MYRIP: variants seen among roughly 807,000 people sequenced by gnomAD.
MYRIP encodes the protein myosin VIIA and Rab interacting protein.
In MYRIP, 49 loss-of-function variants were observed where a neutral mutation model predicts 98.0. The observed-to-expected ratio is 0.50, with a 90% CI of 0.40 to 0.63. The LOEUF is 0.63. MYRIP is among the 30% of genes least tolerant of loss of function. The pLI is 0.00. For synonymous variants in MYRIP, 404 were observed against 409.5 expected (o/e 0.99, Z 0.16); for missense variants, 1,004 against 1,058.2 (o/e 0.95, Z 0.71).
intron 2 of MYRIP, among the ~76,000 whole-genome samples, chr3:39,937,346 A>G (rs1944677093): frequency 6.6e-6 from 1 of 152,202 alleles, no homozygotes; most frequent in Admixed American, 6.5e-5. Context: ...TTTGGCTTTT[A>G]ACTTTCACCA....
intron 2 of MYRIP, among the ~76,000 whole-genome samples, chr3:39,935,092 C>T (rs1944628137): frequency 6.6e-6 from 1 of 152,324 alleles, no homozygotes. Flanking sequence ...TCAGCTTTCT[C>T]GCTGGAAACC....
intron 2 of MYRIP, among the ~76,000 whole-genome samples, chr3:39,967,086 G>A (rs1945461532): frequency 6.6e-6 from 1 of 152,168 alleles, no homozygotes; most frequent in African/African-American, 2.4e-5. Context: ...GGGGCAGACA[G>A]TATATGTAAA....
intron 1 of MYRIP, 104 bp downstream of exon 1, chr3:39,810,020 GTC>G (rs1330649817): frequency 6.6e-6 from 1 of 152,280 alleles, no homozygotes; most frequent in Admixed American, 6.5e-5. Flanking sequence ...GTGTGGAGGT[GTC>G]TCTCACGCTC....
At chr3:39,954,829 A>G (rs1419170441) in intron 2 of MYRIP, among the ~76,000 whole-genome samples, 2 of 152,210 alleles carry the variant, frequency 1.3e-5, no homozygotes, top group Non-Finnish European at 2.9e-5. Context: ...AAAACCTTAA[A>G]TGACCTGATG....
chr3:39,953,830 G>C (rs1484033611), intron 2 of MYRIP, among the ~76,000 whole-genome samples: 4 of 152,084 alleles, frequency 2.6e-5, no homozygotes, highest in Non-Finnish European at 5.9e-5. Context: ...CCCTAATACT[G>C]CACTTTTCCA....
chr3:39,945,641 G>T (rs1165366590), intron 2 of MYRIP, among the ~76,000 whole-genome samples: 1 of 151,996 alleles, frequency 6.6e-6, no homozygotes, highest in Non-Finnish European at 1.5e-5. Flanking sequence ...AGAATTCTCA[G>T]ATCTTCAAGA....
Position 39,866,622 on chromosome 3 carries a change from G to T in MYRIP, c.-30-34165G>T, listed in dbSNP as rs77271692. ...AGTACAAAATCCTAGAAATAAATTTGCCCATGGTGGTAAAAGATCTGTACA... is the reference window on the plus strand; with the variant it reads ...AGTACAAAATCCTAGAAATAAATTTTCCCATGGTGGTAAAAGATCTGTACA... On this transcript the variant is annotated intron_variant, in intron 1 of 16. Transcript: ENST00000302541. Among the ~76,000 whole-genome samples, 1,510 of 152,014 alleles carry T rather than the reference G, an allele frequency of 9.9e-3. 28 individuals carry two copies. Among genetic ancestry groups the T allele is most frequent in the African/African-American group, 0.035 (1,447 of 41,460 alleles).
At chr3:40,110,882 GT>G (rs1322957156) in intron 3 of MYRIP, among the ~76,000 whole-genome samples, 32 of 556 alleles carry the variant, frequency 0.058, no homozygotes, top group East Asian at 0.25. Context: ...TCATGAAGGG[GT>G]GTGTGTGTGT....
chr3:40,156,123 T>C (rs1254424481), intron 4 of MYRIP, among the ~76,000 whole-genome samples: 1 of 151,850 alleles, frequency 6.6e-6, no homozygotes, highest in Non-Finnish European at 1.5e-5. Flanking sequence ...TTTATGGTTT[T>C]AGGTCTAACA....
At chr3:39,813,595 T>G (rs945759997) in intron 1 of MYRIP, among the ~76,000 whole-genome samples, 3 of 152,224 alleles carry the variant, frequency 2.0e-5, no homozygotes, top group African/African-American at 7.2e-5. Flanking sequence ...AAGAGCCAAG[T>G]GCCTGAGACA....
rs911145715 is a variant in MYRIP, at chr3:39,838,632, C to T, written c.-31+28716C>T. ...TTGCTAGTATCTTATTGAGGATTTT[C>T]GCATTGATGTTCTTCAGGGTTATTG... On this transcript the variant is annotated intron_variant, in intron 1 of 16. Coordinates refer to ENST00000302541, the MANE Select transcript of MYRIP (RefSeq NM_015460.4). 6.6e-5 allele frequency among the ~76,000 whole-genome samples: 10 copies of T among 151,952 alleles called. No individual in the cohort carries two copies. In the East Asian group the frequency reaches 7.7e-4, roughly 12 times the overall value.
intron 1 of MYRIP, among the ~76,000 whole-genome samples, chr3:39,868,874 T>C (rs1942701330): frequency 6.6e-6 from 1 of 152,248 alleles, no homozygotes; most frequent in Admixed American, 6.5e-5. Flanking sequence ...GTCAACTCAC[T>C]ACCTTCTGTC....
chr3:39,975,580 C>G (rs1416769128), intron 2 of MYRIP, among the ~76,000 whole-genome samples: 3 of 151,840 alleles, frequency 2.0e-5, no homozygotes, highest in Non-Finnish European at 2.9e-5. Context: ...AAAAAGAGCC[C>G]GCATTGCCAA....
At chr3:39,813,660 T>C (rs1475093164) in intron 1 of MYRIP, among the ~76,000 whole-genome samples, 1 of 152,190 alleles carries the variant, frequency 6.6e-6, no homozygotes, top group African/African-American at 2.4e-5. Flanking sequence ...AGGGGAGTCT[T>C]ATATATAATT....
At chr3:39,974,360 G>A (rs1055987809) in intron 2 of MYRIP, among the ~76,000 whole-genome samples, 10 of 152,178 alleles carry the variant, frequency 6.6e-5, no homozygotes, top group Non-Finnish European at 1.2e-4. Context: ...GGAGGAAGTC[G>A]AATCTCTGAA....
chr3:39,855,346 C>T (rs1942254170), intron 1 of MYRIP, among the ~76,000 whole-genome samples: 1 of 152,034 alleles, frequency 6.6e-6, no homozygotes, highest in African/African-American at 2.4e-5. Flanking sequence ...CTAAGATGGC[C>T]AGGGTAATTA....
At chr3:40,191,778 T>C (rs1377818883) in intron 10 of MYRIP, among the ~76,000 whole-genome samples, 1 of 152,204 alleles carries the variant, frequency 6.6e-6, no homozygotes, top group African/African-American at 2.4e-5. Flanking sequence ...TTAAAAACTT[T>C]GGTTCAAGTG....
At chr3:39,872,445 T>A (rs898075477) in intron 1 of MYRIP, among the ~76,000 whole-genome samples, 1 of 151,804 alleles carries the variant, frequency 6.6e-6, no homozygotes, top group Non-Finnish European at 1.5e-5. Flanking sequence ...CATTAACTCG[T>A]CATTTAGCAT....
At chr3:40,027,352 G>C (rs982228958) in intron 2 of MYRIP, among the ~76,000 whole-genome samples, 1 of 152,066 alleles carries the variant, frequency 6.6e-6, no homozygotes, top group Non-Finnish European at 1.5e-5. Context: ...CTCTAAGAGT[G>C]GGCTTTACTG....
Sources: allele counts gnomAD v4.1 joint callset (sites outside exome capture counted in the v4.1 genomes callset), GRCh38; gene constraint gnomAD v4.1.1; transcripts MANE v1.5; gene names NCBI Gene and HGNC (gene_info 2026-07-23, HGNC 2026-07-21).